COL25A1: variants seen among roughly 807,000 people sequenced by gnomAD.
The protein encoded by COL25A1 is collagen alpha-1(XXV) chain.
Under a neutral mutation model 128.4 loss-of-function variants are expected in COL25A1, and 103 were observed. The observed-to-expected ratio is 0.80, with a 90% CI of 0.68 to 0.94. The LOEUF (loss-of-function observed/expected upper bound fraction) is 0.94. Among genes scored for constraint, COL25A1 ranks in the 40% least tolerant of loss-of-function variants. The probability of loss-of-function intolerance (pLI) is 0.00; values close to 1 mark genes in which losing one functional copy is unlikely to be tolerated. For missense variants in COL25A1, 745 were observed against 840.0 expected (o/e 0.89, Z 1.40); for synonymous variants, 279 against 277.2 (o/e 1.01, Z -0.06).
At chr4:109,259,101 A>G (rs1029458046) in intron 3 of COL25A1, among the ~76,000 whole-genome samples, 1 of 152,152 alleles carries the variant, frequency 6.6e-6, no homozygotes, top group Non-Finnish European at 1.5e-5. Context: ...CAGGGCAGGG[A>G]CTGTGAATTA....
rs192939461 is a variant in COL25A1 at position 109,027,532 on chromosome 4, C to T, written c.421-17157G>A. The stretch of plus-strand genomic sequence containing the variant: ...GAGGAGGTTCTGCACAGAGAAAGGA[C>T]ACAATCTGAATTATATTTGAAAAGG... On this transcript the variant is annotated intron_variant, in intron 5 of 37. Coordinates refer to ENST00000399132, the MANE Select transcript of COL25A1 (RefSeq NM_198721.4). 6.6e-5 allele frequency among the ~76,000 whole-genome samples: 10 copies of T among 152,022 alleles called. No homozygotes were observed. In the East Asian group the frequency reaches 1.9e-3, roughly 29 times the overall value.
At chr4:109,280,425 T>A (rs753982406) in intron 3 of COL25A1, among the ~76,000 whole-genome samples, 15 of 152,156 alleles carry the variant, frequency 9.9e-5, no homozygotes, top group African/African-American at 3.6e-4. Flanking sequence ...AATAACACCA[T>A]GCATAAACAA....
chr4:109,062,855 T>C lies in COL25A1; in HGVS notation c.368-12676A>G, dbSNP rs577658118. Among the ~76,000 whole-genome samples, 15 of 152,320 alleles carry C rather than the reference T, an allele frequency of 9.8e-5. No individual in the cohort carries two copies. The East Asian group carries it at 2.5e-3, about 25-fold the overall frequency. On this transcript the variant is annotated intron_variant, in intron 3 of 37. Transcript: ENST00000399132. ...GAACATGAAAATGGATTACTATAAA[T>C]AACATAAATCCCCAAGACACCTGAT... is the stretch of plus-strand genomic sequence containing the variant.
At chr4:108,857,697 C>G (rs991428330) in intron 24 of COL25A1, among the ~76,000 whole-genome samples, 5 of 152,014 alleles carry the variant, frequency 3.3e-5, no homozygotes, top group African/African-American at 1.2e-4. Flanking sequence ...ATAATTCAAA[C>G]AGGTACAAAG....
intron 3 of COL25A1, among the ~76,000 whole-genome samples, chr4:109,193,935 T>C (rs1221717192): frequency 6.6e-6 from 1 of 152,106 alleles, no homozygotes; most frequent in Non-Finnish European, 1.5e-5. Context: ...AATAAACCAC[T>C]GAAAAGGGAG....
At chr4:109,167,773 T>C (rs1342255346) in intron 3 of COL25A1, among the ~76,000 whole-genome samples, 2 of 152,070 alleles carry the variant, frequency 1.3e-5, no homozygotes, top group African/African-American at 2.4e-5. Flanking sequence ...AGACTAGCAT[T>C]GAACAAGTCA....
chr4:108,995,017 G>C (rs1363133948), intron 6 of COL25A1, among the ~76,000 whole-genome samples: 1 of 152,188 alleles, frequency 6.6e-6, no homozygotes, highest in Non-Finnish European at 1.5e-5. Context: ...GAAGAAACCA[G>C]AGCAGAAAAG....
At chr4:109,059,099 A>G (rs559108494) in intron 3 of COL25A1, among the ~76,000 whole-genome samples, 14 of 152,342 alleles carry the variant, frequency 9.2e-5, no homozygotes, top group African/African-American at 3.1e-4. Flanking sequence ...CATGTGGGGG[A>G]AAAGCACAAA....
At chr4:108,847,134 G>A (rs185930598) in intron 27 of COL25A1, among the ~76,000 whole-genome samples, 164 of 152,176 alleles carry the variant, frequency 1.1e-3, no homozygotes, top group African/African-American at 3.6e-3. Flanking sequence ...TCAAACTCCT[G>A]ACCTCAGGTG....
intron 3 of COL25A1, among the ~76,000 whole-genome samples, chr4:109,208,567 T>C (rs934501653): frequency 2.6e-5 from 4 of 151,130 alleles, no homozygotes; most frequent in Admixed American, 6.6e-5. Context: ...ACTATCTACA[T>C]AGTGATTTCA....
chr4:108,832,364 C>T lies in COL25A1; in HGVS notation c.1710+16G>A. The T allele has an allele frequency of 6.3e-7, 1 of 1,598,366 alleles. No homozygotes were observed. The highest frequency in any genetic ancestry group is 8.6e-7 in the Non-Finnish European group (1 of 1,168,566). ...TTTTCTTTAGTACAAGCTTAATAAC[C>T]TCAGCAACAACTTACTCTTTCTCCT... On this transcript the variant is annotated intron_variant, in intron 32 of 37. Transcript: ENST00000399132.
intron 3 of COL25A1, among the ~76,000 whole-genome samples, chr4:109,273,191 T>G (rs2126266965): frequency 6.6e-6 from 1 of 152,264 alleles, no homozygotes; most frequent in Middle Eastern, 3.4e-3. Flanking sequence ...CTAAGATACT[T>G]CATTCTTACC....
At chr4:109,240,869 T>C (rs536663743) in intron 3 of COL25A1, among the ~76,000 whole-genome samples, 1 of 152,242 alleles carries the variant, frequency 6.6e-6, no homozygotes, top group East Asian at 1.9e-4. Flanking sequence ...CAATTGTTAC[T>C]GTGATCTCTT....
chr4:109,025,175 T>C (rs1758136648), intron 5 of COL25A1, among the ~76,000 whole-genome samples: 2 of 152,182 alleles, frequency 1.3e-5, no homozygotes, highest in African/African-American at 4.8e-5. Context: ...GGAATCAGGA[T>C]TGGCAATCAA....
At chr4:109,192,912 C>G (rs1775737135) in intron 3 of COL25A1, among the ~76,000 whole-genome samples, 1 of 151,808 alleles carries the variant, frequency 6.6e-6, no homozygotes, top group South Asian at 2.1e-4. Context: ...GAAGGAGGCT[C>G]ATGTGAAGAC....
chr4:109,042,169 A>G (rs1245969127), intron 5 of COL25A1, among the ~76,000 whole-genome samples: 1 of 152,044 alleles, frequency 6.6e-6, no homozygotes, highest in Non-Finnish European at 1.5e-5. Context: ...TTAACCTGGC[A>G]CTACATCTAC....
intron 3 of COL25A1, among the ~76,000 whole-genome samples, chr4:109,270,512 A>AG (rs1418300629): frequency 6.6e-6 from 1 of 152,182 alleles, no homozygotes; most frequent in African/African-American, 2.4e-5. Context: ...CCAACTTACA[A>AG]GGGATGTGAA....
intron 5 of COL25A1, among the ~76,000 whole-genome samples, chr4:109,018,862 A>G (rs1757446140): frequency 6.6e-6 from 1 of 152,208 alleles, no homozygotes; most frequent in Non-Finnish European, 1.5e-5. Flanking sequence ...AATATTCCAG[A>G]AAGTATTCTC....
intron 3 of COL25A1, among the ~76,000 whole-genome samples, chr4:109,059,167 C>T (rs900585837): frequency 6.6e-6 from 1 of 152,176 alleles, no homozygotes; most frequent in African/African-American, 2.4e-5. Flanking sequence ...AGTGCCATCA[C>T]GCACCTTGCA....
Sources: gnomAD v4.1 joint callset for allele counts (sites outside exome capture counted in the v4.1 genomes callset) on GRCh38, gnomAD v4.1.1 for gene constraint, MANE v1.5 for transcripts, NCBI Gene and HGNC (gene_info 2026-07-23, HGNC 2026-07-21) for gene names.